Variants in CYB5D2 observed in about 807,000 individuals in gnomAD.
CYB5D2 encodes neuferricin.
A neutral mutation model predicts 22.8 loss-of-function variants in CYB5D2; 23 were observed. That is an observed-to-expected ratio of 1.01 (90% CI 0.73 to 1.43). The LOEUF (loss-of-function observed/expected upper bound fraction) is 1.43. Ranked by LOEUF, CYB5D2 falls within the 40% of genes most tolerant of loss-of-function variation. CYB5D2 has a pLI of 0.00. For synonymous variants in CYB5D2, 170 were observed against 152.2 expected (o/e 1.12, Z -0.86); for missense variants, 373 against 357.2 (o/e 1.04, Z -0.36).
chr17:4,144,129 C>G (rs1172816651), intron 1 of CYB5D2, 124 bp downstream of exon 1: 7 of 1,361,182 alleles, frequency 5.1e-6, no homozygotes, highest in African/African-American at 1.5e-5. Context: ...CCATCAAACC[C>G]GTGCGGTGGG....
rs2059123910 is a variant in CYB5D2 at position 4,157,409 on chromosome 17, G to C, written c.*327G>C. On this transcript the variant is annotated 3_prime_UTR_variant, in exon 4 of 4. Transcript: ENST00000301391. The surrounding 1 kb of genome is among the most constrained non-coding windows in gnomAD (Gnocchi z 4.4). Reference sequence around the variant, plus strand: ...CACTTGAATTTACAACCAAAAGCCTGCTGAGTTGATTACAGCTGGGCCAAT... The same window carrying C: ...CACTTGAATTTACAACCAAAAGCCTCCTGAGTTGATTACAGCTGGGCCAAT... The C allele has an allele frequency of 2.4e-6, 1 of 410,278 alleles. No homozygotes were observed. The allele number at this position is 410,278 out of a possible 1,614,324, so 25.4% of individuals were successfully genotyped here.
chr17:4,153,403 G>A (rs1241382676), intron 2 of CYB5D2, among the ~76,000 whole-genome samples: 1 of 152,120 alleles, frequency 6.6e-6, no homozygotes, highest in Middle Eastern at 3.2e-3. Context: ...CGTGAACGAG[G>A]GGGGACGTAG....
intron 2 of CYB5D2, 77 bp from the exon 3 acceptor site, chr17:4,154,597 G>A: frequency 6.6e-7 from 1 of 1,513,190 alleles, no homozygotes; most frequent in South Asian, 1.3e-5. Context: ...AGAAACCCTG[G>A]GAACTTGTGC....
chr17:4,143,741 G>C lies in CYB5D2; in HGVS notation c.-15G>C, dbSNP rs201514884. The C allele has an allele frequency of 1.1e-5, 18 of 1,604,024 alleles. No individual in the cohort carries two copies. In the East Asian group the frequency reaches 3.4e-4, roughly 30 times the overall value. The stretch of plus-strand genomic sequence containing the variant: ...GCGGCAACCTCGGAAGTGCGGAGCG[G>C]GTGGGCCTATATAGATGTTGAGGTG... On this transcript the variant is annotated 5_prime_UTR_variant, in exon 1 of 4. Coordinates refer to ENST00000301391, the MANE Select transcript of CYB5D2 (RefSeq NM_144611.4).
intron 2 of CYB5D2, among the ~76,000 whole-genome samples, chr17:4,152,968 G>T (rs1316731339): frequency 1.3e-5 from 2 of 152,070 alleles, no homozygotes; most frequent in Admixed American, 1.3e-4. Context: ...AGTAGAGACA[G>T]GGTTTCACCA....
Position 4,157,540 on chromosome 17 carries a change from T to G in CYB5D2, c.*458T>G, listed in dbSNP as rs185418014. 1 of 167,850 alleles carries G rather than the reference T, an allele frequency of 6.0e-6. No individual in the cohort carries two copies. Among genetic ancestry groups the G allele is most frequent in the East Asian group, 1.8e-4 (1 of 5,610 alleles). The allele number at this position is 167,850 out of a possible 1,614,324, so 10.4% of individuals were successfully genotyped here. ...AGATGTCTCTGAACAAAGCAACAAT[T>G]TAAAGCAACGACATTTTCTGTCCTT... On this transcript the variant is annotated 3_prime_UTR_variant, in exon 4 of 4. Transcript: ENST00000301391. The surrounding 1 kb of genome is among the most constrained non-coding windows in gnomAD (Gnocchi z 4.4).
chr17:4,157,240 T>C lies in CYB5D2; in HGVS notation c.*158T>C, dbSNP rs1208172397. 1.3e-5 allele frequency: 11 copies of C among 843,706 alleles called. No homozygotes were observed. The allele number at this position is 843,706 out of a possible 1,614,324, so 52.3% of individuals were successfully genotyped here. ...CAAATGTGGCTCATGCCCCTTACCGTGGCTCGGCGTTGTGGTGCCTGAGGG... is the reference window on the plus strand; with the variant it reads ...CAAATGTGGCTCATGCCCCTTACCGCGGCTCGGCGTTGTGGTGCCTGAGGG... On this transcript the variant is annotated 3_prime_UTR_variant, in exon 4 of 4. Coordinates refer to ENST00000301391, the MANE Select transcript of CYB5D2 (RefSeq NM_144611.4). The surrounding 1 kb of genome is among the most constrained non-coding windows in gnomAD (Gnocchi z 4.4).
chr17:4,154,986 A>G, intron 3 of CYB5D2, 126 bp downstream of exon 3: 1 of 1,021,792 alleles, frequency 9.8e-7, no homozygotes, highest in Non-Finnish European at 1.4e-6. Flanking sequence ...CAAAATACTG[A>G]TAATAATTCT....
At chr17:4,145,587 C>T (rs2058981060) in intron 1 of CYB5D2, among the ~76,000 whole-genome samples, 1 of 152,134 alleles carries the variant, frequency 6.6e-6, no homozygotes, top group African/African-American at 2.4e-5. Flanking sequence ...TACTGAGCTC[C>T]CGTGTTCTGG....
chr17:4,146,444 G>A (rs2058992519), intron 1 of CYB5D2, among the ~76,000 whole-genome samples: 1 of 151,972 alleles, frequency 6.6e-6, no homozygotes, highest in South Asian at 2.1e-4. Flanking sequence ...AGGCTAGAGT[G>A]CAGTGGCGCA....
At position 4,157,081 on chromosome 17, in the gene CYB5D2, A is replaced by G; in HGVS notation, c.794A>G (p.Ter265=). 1 of 1,612,182 alleles carries G rather than the reference A, an allele frequency of 6.2e-7. No homozygotes were observed. The highest frequency in any genetic ancestry group is 8.5e-7 in the Non-Finnish European group (1 of 1,179,978). The change falls in exon 4 of 4, where the codon TAA becomes TGA. Residue 265 remains the stop codon, a stop_retained_variant. Coordinates refer to ENST00000301391, the MANE Select transcript of CYB5D2 (RefSeq NM_144611.4). This position sits in a 1 kb window ranked among gnomAD's most constrained non-coding sequence, Gnocchi z 4.4. The part of the protein sequence containing the change: ...PLAITCSFPL[*] ...GCCATCACATGCTCCTTTCCACTCT[A>G]AGCCGTAGCCTCTTCTGTTAATAAC...
In CYB5D2 at chr17:4,154,761, A is replaced by G. The variant is rs1213936375; in HGVS notation, c.479A>G (p.Glu160Gly). 1.9e-6 allele frequency: 3 copies of G among 1,614,196 alleles called. No homozygotes were observed. The highest frequency in any genetic ancestry group is 2.5e-6 in the Non-Finnish European group (3 of 1,180,036). ...GAAGCTGCGATCACCAGAGGCTTGGAGGCCAACAAACTACAGCTGCAAGAG... is the reference window on the plus strand; with the variant it reads ...GAAGCTGCGATCACCAGAGGCTTGGGGGCCAACAAACTACAGCTGCAAGAG... Reference protein sequence around the residue: ...QVEAAITRGLEANKLQLQEKQ... With the variant: ...QVEAAITRGLGANKLQLQEKQ... The change falls in exon 3 of 4, where the codon GAG becomes GGG. Residue 160 changes from glutamate to glycine, a missense_variant. Transcript: ENST00000301391.
intron 2 of CYB5D2, among the ~76,000 whole-genome samples, chr17:4,150,759 A>C (rs1432370959): frequency 1.3e-5 from 2 of 152,084 alleles, no homozygotes; most frequent in Admixed American, 1.3e-4. Flanking sequence ...GGTGGCACGC[A>C]CCTGTACTCC....
At chr17:4,146,153 T>G (rs1169240123) in intron 1 of CYB5D2, among the ~76,000 whole-genome samples, 3 of 152,226 alleles carry the variant, frequency 2.0e-5, no homozygotes, top group African/African-American at 7.2e-5. Flanking sequence ...TGGAGTGCGG[T>G]GGCGCAATCT....
Position 4,143,642 on chromosome 17 carries a change from C to T in CYB5D2, c.-114C>T. ...GGGAGGGAGCGCGAGCACTAGCGCG[C>T]GAGAGAGAGAGCGAGAGCGCGCGCG... is the stretch of plus-strand genomic sequence containing the variant. On this transcript the variant is annotated 5_prime_UTR_variant, in exon 1 of 4. Transcript: ENST00000301391. The T allele has an allele frequency of 7.0e-7, 1 of 1,437,854 alleles. No individual in the cohort carries two copies. Among genetic ancestry groups the T allele is most frequent in the Non-Finnish European group, 9.4e-7 (1 of 1,068,408 alleles). 89.1% of individuals were successfully genotyped at this position (1,437,854 alleles called of 1,614,324 possible). A position where few individuals can be genotyped will look rare whatever the true frequency, so the allele number is the denominator to read the frequency against.
At position 4,154,706 on chromosome 17, in the gene CYB5D2, G is replaced by C. The variant is rs751808068; in HGVS notation, c.424G>C (p.Gly142Arg). Reference protein sequence around the residue: ...RVTGRFYGEDGLPTPALTQVE... With the variant: ...RVTGRFYGEDRLPTPALTQVE... ...GACAGGACGGTTCTACGGAGAGGATGGGCTGCCCACCCCGGCACTGACCCA... is the reference window on the plus strand; with the variant it reads ...GACAGGACGGTTCTACGGAGAGGATCGGCTGCCCACCCCGGCACTGACCCA... Residue 142 changes from glycine (G) to arginine (R), a missense_variant, in exon 3 of 4, where the codon GGG (glycine) becomes CGG (arginine). Transcript: ENST00000301391. 1 of 1,614,178 alleles carries C rather than the reference G, an allele frequency of 6.2e-7. No individual in the cohort carries two copies.
intron 2 of CYB5D2, among the ~76,000 whole-genome samples, chr17:4,153,288 C>G (rs113338592): frequency 6.6e-6 from 1 of 151,950 alleles, no homozygotes; most frequent in Non-Finnish European, 1.5e-5. Flanking sequence ...GCAGCCACAC[C>G]GAGACCTGAG....
intron 2 of CYB5D2, among the ~76,000 whole-genome samples, chr17:4,153,503 A>C (rs2059080133): frequency 6.6e-6 from 1 of 152,218 alleles, no homozygotes; most frequent in African/African-American, 2.4e-5. Flanking sequence ...CTGCTTTAAG[A>C]AGCCATTGAA....
intron 1 of CYB5D2, 135 bp downstream of exon 1, chr17:4,144,140 C>T (rs538690981): frequency 1.8e-4 from 232 of 1,265,694 alleles, no homozygotes; most frequent in Admixed American, 1.1e-3. Flanking sequence ...GTGCGGTGGG[C>T]GGGACGAGCT....
Sources: gnomAD v4.1 joint callset for allele counts (sites outside exome capture counted in the v4.1 genomes callset) on GRCh38, gnomAD v4.1.1 for gene constraint, Gnocchi (gnomAD v3.1) non-coding constraint, MANE v1.5 for transcripts, NCBI Gene and HGNC (gene_info 2026-07-23, HGNC 2026-07-21) for gene names.